The following ARHGAP31 variants were observed in gnomAD, a reference collection of about 807,000 sequenced individuals.
The protein encoded by ARHGAP31 is Rho GTPase activating protein 31, also known as rho GTPase-activating protein 31.
Under a neutral mutation model 113.9 loss-of-function variants are expected in ARHGAP31, and 34 were observed. That is an observed-to-expected ratio of 0.30 (90% CI 0.23 to 0.40). The LOEUF is 0.40. Among genes scored for constraint, ARHGAP31 ranks in the 10% least tolerant of loss-of-function variants. The probability of loss-of-function intolerance (pLI) is 1.00; values close to 1 mark genes in which losing one functional copy is unlikely to be tolerated. For missense variants in ARHGAP31, 1,548 were observed against 1,767.1 expected (o/e 0.88, Z 2.22); for synonymous variants, 650 against 684.8 (o/e 0.95, Z 0.79).
chr3:119,384,899 G>A (rs1348295459), intron 6 of ARHGAP31, among the ~76,000 whole-genome samples: 2 of 151,400 alleles, frequency 1.3e-5, no homozygotes, highest in East Asian at 1.9e-4. Context: ...TCATATAAAT[G>A]GAATCATGCC....
intron 1 of ARHGAP31, among the ~76,000 whole-genome samples, chr3:119,351,275 G>T (rs1213905365): frequency 4.6e-5 from 7 of 152,178 alleles, no homozygotes; most frequent in Non-Finnish European, 1.0e-4. Flanking sequence ...TATCTAAGTC[G>T]TTCTCTCTCA....
chr3:119,303,392 TCCTAGTTCCTCA>T (rs1473678493), intron 1 of ARHGAP31, among the ~76,000 whole-genome samples: 2 of 152,210 alleles, frequency 1.3e-5, no homozygotes, highest in East Asian at 3.8e-4. Context: ...CACTGCCTTT[TCCTAGTTCCTCA>T]CCAATCACTC....
chr3:119,297,189 T>C (rs906385995), intron 1 of ARHGAP31, among the ~76,000 whole-genome samples: 3 of 152,246 alleles, frequency 2.0e-5, no homozygotes, highest in African/African-American at 7.2e-5. Flanking sequence ...ACTAGTTGGA[T>C]GGTTTTTTTC....
At chr3:119,328,971 T>TA (rs2079868963) in intron 1 of ARHGAP31, among the ~76,000 whole-genome samples, 1 of 152,248 alleles carries the variant, frequency 6.6e-6, no homozygotes, top group Non-Finnish European at 1.5e-5. Flanking sequence ...TGATAAATGC[T>TA]TTAAATAACT....
intron 1 of ARHGAP31, among the ~76,000 whole-genome samples, chr3:119,356,666 A>T (rs2080161630): frequency 6.6e-6 from 1 of 151,964 alleles, no homozygotes; most frequent in Non-Finnish European, 1.5e-5. Context: ...AAACAACCAG[A>T]TGCTAGCATA....
At position 119,294,844 on chromosome 3, in the gene ARHGAP31, T is replaced by TA. The variant is rs1384124498; in HGVS notation, c.-60dup. ...GGTGATCTAGCCCGGGAGCCCATCTTACAGCGGTGCCAAGCAGAGGGGCGG... is the reference window on the plus strand; with the variant it reads ...GGTGATCTAGCCCGGGAGCCCATCTTAACAGCGGTGCCAAGCAGAGGGGCGG... On this transcript the variant is annotated 5_prime_UTR_variant, in exon 1 of 12. Coordinates refer to ENST00000264245, the MANE Select transcript of ARHGAP31 (RefSeq NM_020754.4). 1 of 1,500,788 alleles carries TA rather than the reference T, an allele frequency of 6.7e-7. No individual in the cohort carries two copies. The highest frequency in any genetic ancestry group is 2.3e-5 in the East Asian group (1 of 44,338). 93.0% of individuals were successfully genotyped at this position (1,500,788 alleles called of 1,614,324 possible).
Position 119,401,858 on chromosome 3 carries a change from C to G in ARHGAP31, c.1106C>G (p.Thr369Ser). ...ETKGNFNRTVTTGGFFIPATK... is the reference protein window; with the variant it reads ...ETKGNFNRTVSTGGFFIPATK... ...AAGGGAAATTTCAATCGAACAGTTA[C>G]CACCGGTGGATTTTTCATTCCAGCA... Residue 369 changes from threonine (T) to serine (S), a missense_variant, in exon 10 of 12, where the codon ACC becomes AGC. By Grantham distance (58) the Thr-to-Ser change is moderately conservative. Coordinates refer to ENST00000264245, the MANE Select transcript of ARHGAP31 (RefSeq NM_020754.4). 6.2e-7 allele frequency: 1 copy of G among 1,614,064 alleles called. No homozygotes were observed. Among genetic ancestry groups the G allele is most frequent in the Non-Finnish European group, 8.5e-7 (1 of 1,180,022 alleles).
intron 1 of ARHGAP31, among the ~76,000 whole-genome samples, chr3:119,353,055 C>T (rs746612680): frequency 3.3e-5 from 5 of 152,132 alleles, no homozygotes; most frequent in Admixed American, 6.5e-5. Context: ...ATGTATATTG[C>T]GTCACGTCAA....
chr3:119,312,461 C>T (rs1230370467), intron 1 of ARHGAP31, among the ~76,000 whole-genome samples: 2 of 152,196 alleles, frequency 1.3e-5, no homozygotes, highest in Non-Finnish European at 2.9e-5. Context: ...CATCCCATCT[C>T]TTTTTCTTCC....
intron 3 of ARHGAP31, among the ~76,000 whole-genome samples, chr3:119,372,969 G>A (rs1447284289): frequency 2.0e-5 from 3 of 152,112 alleles, no homozygotes; most frequent in African/African-American, 7.2e-5. Flanking sequence ...AAGGAACAAT[G>A]CCATAAACAG....
intron 1 of ARHGAP31, among the ~76,000 whole-genome samples, chr3:119,359,762 C>G (rs945651431): frequency 2.0e-5 from 3 of 152,142 alleles, no homozygotes. Context: ...AAGTTCTGTA[C>G]TCACAACCCA....
intron 1 of ARHGAP31, among the ~76,000 whole-genome samples, chr3:119,310,604 A>G (rs1389112502): frequency 1.3e-5 from 2 of 152,208 alleles, no homozygotes; most frequent in Non-Finnish European, 2.9e-5. Context: ...TTTAGGTTGC[A>G]GGTTCCTTAT....
intron 6 of ARHGAP31, among the ~76,000 whole-genome samples, chr3:119,390,132 T>C (rs2080491040): frequency 6.6e-6 from 1 of 151,986 alleles, no homozygotes; most frequent in Admixed American, 6.6e-5. Context: ...GCGATTGTCA[T>C]CATCACTTCC....
intron 1 of ARHGAP31, among the ~76,000 whole-genome samples, chr3:119,296,390 T>G (rs1366467331): frequency 6.6e-6 from 1 of 152,240 alleles, no homozygotes; most frequent in East Asian, 1.9e-4. Context: ...AAAAATCACT[T>G]GGTTTGAGTT....
chr3:119,329,261 G>T (rs1050814642), intron 1 of ARHGAP31, among the ~76,000 whole-genome samples: 2 of 152,112 alleles, frequency 1.3e-5, no homozygotes, highest in African/African-American at 2.4e-5. Context: ...TTTCTTCACG[G>T]TTTAGTCTCT....
chr3:119,334,122 C>A (rs1462522164), intron 1 of ARHGAP31, among the ~76,000 whole-genome samples: 1 of 152,138 alleles, frequency 6.6e-6, no homozygotes, highest in Non-Finnish European at 1.5e-5. Context: ...GACCCCCTTC[C>A]CCCAGGCACA....
At chr3:119,328,391 G>C (rs1230581176) in intron 1 of ARHGAP31, among the ~76,000 whole-genome samples, 1 of 152,098 alleles carries the variant, frequency 6.6e-6, no homozygotes, top group African/African-American at 2.4e-5. Context: ...CCAGTGATGG[G>C]AAACTCCTAC....
chr3:119,326,048 C>A (rs1036974902), intron 1 of ARHGAP31, among the ~76,000 whole-genome samples: 1 of 152,030 alleles, frequency 6.6e-6, no homozygotes, highest in African/African-American at 2.4e-5. Flanking sequence ...AAACATTAGC[C>A]GGGCGTGGTG....
intron 1 of ARHGAP31, among the ~76,000 whole-genome samples, chr3:119,359,479 T>G (rs1437466565): frequency 6.6e-6 from 1 of 152,232 alleles, no homozygotes; most frequent in Middle Eastern, 3.4e-3. Flanking sequence ...CACATTATAC[T>G]TTGTTAAATA....
Sources: allele counts gnomAD v4.1 joint callset (sites outside exome capture counted in the v4.1 genomes callset), GRCh38; gene constraint gnomAD v4.1.1; transcripts MANE v1.5; gene names NCBI Gene and HGNC (gene_info 2026-07-23, HGNC 2026-07-21).